MYT1L: variants seen among roughly 807,000 people sequenced by gnomAD.
MYT1L encodes the protein myelin transcription factor 1 like, also known as myelin transcription factor 1-like protein.
A neutral mutation model predicts 126.7 loss-of-function variants in MYT1L; 12 were observed. The ratio of observed to expected loss-of-function variants is 0.09; its 90% CI spans 0.06 to 0.15. The LOEUF is 0.15. MYT1L is among the 10% of genes least tolerant of loss of function. MYT1L has a pLI of 1.00. For synonymous variants in MYT1L, 541 were observed against 604.2 expected (o/e 0.90, Z 1.53); for missense variants, 979 against 1,585.2 (o/e 0.62, Z 6.49).
intron 18 of MYT1L, among the ~76,000 whole-genome samples, chr2:1,862,727 G>A (rs1284545074): frequency 1.3e-5 from 2 of 152,208 alleles, no homozygotes; most frequent in Non-Finnish European, 2.9e-5. Flanking sequence ...AAAGAGGGCA[G>A]AGAGAGAGGT....
chr2:2,151,951 G>GTAATCCC (rs2085866175), intron 3 of MYT1L, among the ~76,000 whole-genome samples: 1 of 152,152 alleles, frequency 6.6e-6, no homozygotes, highest in Non-Finnish European at 1.5e-5. Flanking sequence ...AGCTACTGGG[G>GTAATCCC]AGGCTGAGGC....
At chr2:2,287,322 G>C (rs1447282913) in intron 1 of MYT1L, among the ~76,000 whole-genome samples, 1 of 151,460 alleles carries the variant, frequency 6.6e-6, no homozygotes, top group African/African-American at 2.4e-5. Flanking sequence ...CAAGACTTTA[G>C]GTATTAAATT....
At chr2:2,184,728 G>C (rs1332003297) in intron 2 of MYT1L, among the ~76,000 whole-genome samples, 7 of 152,112 alleles carry the variant, frequency 4.6e-5, no homozygotes, top group Non-Finnish European at 1.0e-4. Context: ...GATTTCCCCA[G>C]CTGTGGGAGG....
At chr2:2,273,213 C>G (rs756175789) in intron 2 of MYT1L, among the ~76,000 whole-genome samples, 1 of 152,170 alleles carries the variant, frequency 6.6e-6, no homozygotes, top group Admixed American at 6.5e-5. Flanking sequence ...ATCGCAGGAC[C>G]TTTCGGCCCT....
intron 8 of MYT1L, among the ~76,000 whole-genome samples, chr2:1,978,843 T>C (rs550489081): frequency 1.1e-4 from 17 of 152,196 alleles, no homozygotes; most frequent in South Asian, 4.2e-4. Flanking sequence ...GAAGGAGAAA[T>C]TGGGCTCCTC....
At chr2:1,939,074 C>T (rs181921330) in intron 9 of MYT1L, among the ~76,000 whole-genome samples, 8 of 152,326 alleles carry the variant, frequency 5.3e-5, no homozygotes, top group Non-Finnish European at 7.3e-5. Context: ...TCTCTCTACT[C>T]GCAAGGCTGA....
At position 2,111,023 on chromosome 2, in the gene MYT1L, G is replaced by A. The variant is rs530548159; in HGVS notation, c.-303-56900C>T. On this transcript the variant is annotated intron_variant, in intron 3 of 24. Coordinates refer to ENST00000647738, the MANE Select transcript of MYT1L (RefSeq NM_001303052.2). Reference sequence around the variant, plus strand: ...CATGGGCTCCTCCTGGGAGGAACGCGGCCCTGGAGCCATTTCCCTTGGCCA... The same window carrying A: ...CATGGGCTCCTCCTGGGAGGAACGCAGCCCTGGAGCCATTTCCCTTGGCCA... 5.9e-5 allele frequency among the ~76,000 whole-genome samples: 9 copies of A among 152,276 alleles called. No homozygotes were observed. The East Asian group carries it at 7.8e-4, about 13-fold the overall frequency.
At chr2:2,211,997 T>C (rs539520058) in intron 2 of MYT1L, among the ~76,000 whole-genome samples, 1 of 152,082 alleles carries the variant, frequency 6.6e-6, no homozygotes, top group Non-Finnish European at 1.5e-5. Context: ...CAGAGCAGAA[T>C]GCCAAATGCC....
At chr2:1,808,001 C>G (rs1337948752) in intron 22 of MYT1L, among the ~76,000 whole-genome samples, 1 of 152,068 alleles carries the variant, frequency 6.6e-6, no homozygotes, top group Non-Finnish European at 1.5e-5. Context: ...TAGGGCTTTT[C>G]CCACTTTGCT....
chr2:2,108,557 T>A (rs1281126466), intron 3 of MYT1L, among the ~76,000 whole-genome samples: 1 of 152,166 alleles, frequency 6.6e-6, no homozygotes, highest in African/African-American at 2.4e-5. Flanking sequence ...ATCTTTGAAT[T>A]CTCCTATCAC....
chr2:2,005,978 T>C (rs937238482), intron 4 of MYT1L, among the ~76,000 whole-genome samples: 6 of 150,330 alleles, frequency 4.0e-5, no homozygotes, highest in African/African-American at 1.5e-4. Flanking sequence ...CTGCAGGTGT[T>C]CTTTCCTGCA....
At chr2:2,177,554 T>C (rs950471281) in intron 2 of MYT1L, among the ~76,000 whole-genome samples, 26 of 152,084 alleles carry the variant, frequency 1.7e-4, no homozygotes, top group Non-Finnish European at 3.1e-4. Context: ...ACTCGGCAGT[T>C]TACAAAGGAA....
At chr2:1,792,740 T>G (rs527779245) in intron 23 of MYT1L, among the ~76,000 whole-genome samples, 4 of 151,642 alleles carry the variant, frequency 2.6e-5, no homozygotes, top group African/African-American at 9.7e-5. Context: ...CGTGGTGGCG[T>G]GCGCCTGTAA....
chr2:1,998,990 C>T (rs780054777), intron 4 of MYT1L, among the ~76,000 whole-genome samples: 1 of 152,194 alleles, frequency 6.6e-6, no homozygotes, highest in Non-Finnish European at 1.5e-5. Flanking sequence ...ACCCAAGCAA[C>T]AAGCAAAATC....
intron 4 of MYT1L, among the ~76,000 whole-genome samples, chr2:2,022,517 C>T (rs762607766): frequency 6.6e-6 from 1 of 152,134 alleles, no homozygotes; most frequent in Non-Finnish European, 1.5e-5. Flanking sequence ...ATTTCAACCT[C>T]TCCTGTTCCA....
intron 3 of MYT1L, among the ~76,000 whole-genome samples, chr2:2,171,368 C>T (rs1402233692): frequency 2.0e-5 from 3 of 152,198 alleles, no homozygotes; most frequent in Non-Finnish European, 4.4e-5. Context: ...CTACATTGAG[C>T]ATCCTTATTT....
chr2:2,212,669 C>A (rs1255840823), intron 2 of MYT1L, among the ~76,000 whole-genome samples: 1 of 152,148 alleles, frequency 6.6e-6, no homozygotes, highest in East Asian at 1.9e-4. Context: ...CTTTTTACTT[C>A]CCCATCATCT....
chr2:2,227,491 G>C (rs1394889963), intron 2 of MYT1L, among the ~76,000 whole-genome samples: 1 of 152,126 alleles, frequency 6.6e-6, no homozygotes, highest in Non-Finnish European at 1.5e-5. Flanking sequence ...CCACAGGATG[G>C]AGCCCAGGAT....
At chr2:2,039,618 C>T (rs912047612) in intron 4 of MYT1L, among the ~76,000 whole-genome samples, 10 of 152,154 alleles carry the variant, frequency 6.6e-5, no homozygotes, top group African/African-American at 1.9e-4. Flanking sequence ...TGACTTTGAA[C>T]GTCACAGGTT....
Sources: allele counts gnomAD v4.1 joint callset (sites outside exome capture counted in the v4.1 genomes callset), GRCh38; gene constraint gnomAD v4.1.1; transcripts MANE v1.5; gene names NCBI Gene and HGNC (gene_info 2026-07-23, HGNC 2026-07-21).